The following ADAM12 variants were observed in gnomAD, a reference collection of about 807,000 sequenced individuals.
ADAM12 encodes the protein disintegrin and metalloproteinase domain-containing protein 12.
Under a neutral mutation model 106.4 loss-of-function variants are expected in ADAM12, and 70 were observed. That is an observed-to-expected ratio of 0.66 (90% CI 0.54 to 0.80). The LOEUF (loss-of-function observed/expected upper bound fraction) is 0.80. Among genes scored for constraint, ADAM12 ranks in the 30% least tolerant of loss-of-function variants. The pLI is 0.00. For missense variants in ADAM12, 1,010 were observed against 1,171.9 expected (o/e 0.86, Z 2.02); for synonymous variants, 420 against 433.5 (o/e 0.97, Z 0.39).
At chr10:126,153,341 G>A (rs189635711) in intron 4 of ADAM12, among the ~76,000 whole-genome samples, 3 of 152,232 alleles carry the variant, frequency 2.0e-5, no homozygotes, top group Admixed American at 2.0e-4. Flanking sequence ...TTCATCCTTG[G>A]TGTTCTGCAT....
intron 2 of ADAM12, among the ~76,000 whole-genome samples, chr10:126,310,132 C>T (rs1388794789): frequency 1.3e-5 from 2 of 149,176 alleles, no homozygotes; most frequent in Non-Finnish European, 3.0e-5. Context: ...GCACTCCAGC[C>T]TGGGTGACAG....
intron 11 of ADAM12, among the ~76,000 whole-genome samples, chr10:126,078,046 C>T (rs1273764480): frequency 1.3e-5 from 2 of 152,204 alleles, no homozygotes; most frequent in Non-Finnish European, 2.9e-5. Context: ...CTAATGGTAA[C>T]ACCATCTTAA....
chr10:126,226,735 T>C (rs898936913), intron 3 of ADAM12, among the ~76,000 whole-genome samples: 2 of 152,156 alleles, frequency 1.3e-5, no homozygotes, highest in Non-Finnish European at 2.9e-5. Context: ...TGTTCAGTAA[T>C]TGAGGACAGG....
At chr10:126,100,853 G>A (rs1955650826) in intron 9 of ADAM12, among the ~76,000 whole-genome samples, 1 of 152,200 alleles carries the variant, frequency 6.6e-6, no homozygotes, top group African/African-American at 2.4e-5. Context: ...TCTGTAGAGG[G>A]ACAGGTTTTC....
chr10:126,290,447 A>G (rs1399231556), intron 2 of ADAM12, among the ~76,000 whole-genome samples: 1 of 152,228 alleles, frequency 6.6e-6, no homozygotes, highest in African/African-American at 2.4e-5. Context: ...TTATAGCAGC[A>G]CTAGACAACT....
In ADAM12 at chr10:126,064,805, C is replaced by T; in HGVS notation, c.1609+1G>A. ...ATGCCGAGCTTGTGGCGGCCACGTA[C>T]CTGGTCCCCAGAGCGTGACACACTG... On this transcript the variant is annotated splice_donor_variant, in intron 14 of 22. Coordinates refer to ENST00000448723, the MANE Select transcript of ADAM12 (RefSeq NM_001288973.2). LOFTEE classifies it high-confidence loss of function. This position sits in a 1 kb window ranked among gnomAD's most constrained non-coding sequence, Gnocchi z 4.4. 1 of 1,601,506 alleles carries T rather than the reference C, an allele frequency of 6.2e-7. No individual in the cohort carries two copies. The highest frequency in any genetic ancestry group is 1.1e-5 in the South Asian group (1 of 88,886).
chr10:126,216,795 G>A (rs1298025335), intron 3 of ADAM12, among the ~76,000 whole-genome samples: 1 of 152,268 alleles, frequency 6.6e-6, no homozygotes, highest in Non-Finnish European at 1.5e-5. Flanking sequence ...GACCCCGGCA[G>A]AAGGCCAGAG....
chr10:126,232,372 C>T (rs183325175), intron 3 of ADAM12, among the ~76,000 whole-genome samples: 426 of 152,286 alleles, frequency 2.8e-3, no homozygotes, highest in Non-Finnish European at 4.9e-3. Flanking sequence ...TCCTGAGAGG[C>T]TCCAGAAGGA....
At chr10:126,337,007 A>G (rs1482951534) in intron 1 of ADAM12, among the ~76,000 whole-genome samples, 1 of 152,262 alleles carries the variant, frequency 6.6e-6, no homozygotes, top group Non-Finnish European at 1.5e-5. Flanking sequence ...AAATGAGATC[A>G]TAGATGCAAA....
chr10:126,345,775 T>G (rs1299097118), intron 1 of ADAM12, among the ~76,000 whole-genome samples: 1 of 152,246 alleles, frequency 6.6e-6, no homozygotes, highest in Non-Finnish European at 1.5e-5. Context: ...TTGAGGAATT[T>G]ATCCATTTCT....
Position 126,039,357 on chromosome 10 carries a change from A to G in ADAM12, c.2177T>C (p.Leu726Pro), listed in dbSNP as rs1172937398. 6.2e-7 allele frequency: 1 copy of G among 1,613,970 alleles called. No homozygotes were observed. The highest frequency in any genetic ancestry group is 1.3e-5 in the African/African-American group (1 of 74,898). ...CAGTCGTATCAAGGTCTTCCTTTTG[A>G]GATAAACCACAAATCCGGCAGCAAG... ...CLLAAGFVVY[L>P]KRKTLIRLLF... is the part of the protein sequence containing the mutation. Residue 726 changes from leucine to proline, a missense_variant, in exon 19 of 23, where the codon CTC (leucine) becomes CCC (proline). Around this residue, in one of 3 missense-constraint regions of ADAM12, gnomAD observed 615 missense variants for 708.5 expected, o/e 0.87. Coordinates refer to ENST00000448723, the MANE Select transcript of ADAM12 (RefSeq NM_001288973.2).
intron 3 of ADAM12, among the ~76,000 whole-genome samples, chr10:126,234,795 A>G (rs1335181063): frequency 1.3e-5 from 2 of 152,246 alleles, no homozygotes; most frequent in African/African-American, 4.8e-5. Context: ...AGGATGGATC[A>G]GGCCAACGCT....
intron 3 of ADAM12, among the ~76,000 whole-genome samples, chr10:126,173,649 C>T (rs1311052943): frequency 1.3e-5 from 2 of 151,906 alleles, no homozygotes; most frequent in Admixed American, 6.6e-5. Flanking sequence ...AGTTTCAGAG[C>T]GCAAGTTTTA....
At chr10:126,269,263 T>C (rs181922977) in intron 3 of ADAM12, among the ~76,000 whole-genome samples, 27 of 152,290 alleles carry the variant, frequency 1.8e-4, no homozygotes, top group Non-Finnish European at 3.5e-4. Flanking sequence ...ATGACCTGTA[T>C]TTTGTGCCAA....
intron 3 of ADAM12, among the ~76,000 whole-genome samples, chr10:126,182,764 CTCT>C (rs1312761620): frequency 3.3e-5 from 5 of 152,188 alleles, no homozygotes; most frequent in Non-Finnish European, 7.3e-5. Flanking sequence ...TCCCTAGCGT[CTCT>C]TCTACTTGGA....
chr10:126,100,061 A>G (rs76727113), intron 9 of ADAM12, among the ~76,000 whole-genome samples: 4,957 of 152,108 alleles, frequency 0.033, 192 homozygotes, highest in East Asian at 0.084. Flanking sequence ...TTAGTTTATC[A>G]TCTTCCAGTT....
intron 21 of ADAM12, 60 bp from the exon 22 acceptor site, chr10:126,019,885 A>T: frequency 6.5e-7 from 1 of 1,528,944 alleles, no homozygotes; most frequent in South Asian, 1.2e-5. Context: ...GGCCCCTGAG[A>T]AGCAGGGCCT....
At chr10:126,051,503 G>A (rs12357258) in intron 14 of ADAM12, among the ~76,000 whole-genome samples, 14,106 of 54,144 alleles carry the variant, frequency 0.26, 1,195 homozygotes, top group Middle Eastern at 0.44. Context: ...CCATCCACCC[G>A]TCCATCCATC....
At position 126,385,781 on chromosome 10, in the gene ADAM12, T is replaced by G. The variant is rs376540174; in HGVS notation, c.88+2277A>C. Reference sequence around the variant, plus strand: ...AGGAGATCAGAAAGGAAAACAGGAATTAGGTCATGCTGAGGTTTGGATTTT... The same window carrying G: ...AGGAGATCAGAAAGGAAAACAGGAAGTAGGTCATGCTGAGGTTTGGATTTT... On this transcript the variant is annotated intron_variant, in intron 1 of 22. Transcript: ENST00000448723. Among the ~76,000 whole-genome samples the G allele has an allele frequency of 2.6e-5, 4 of 151,934 alleles. No homozygotes were observed. In the East Asian group the frequency reaches 5.8e-4, roughly 22 times the overall value.
Sources: gnomAD v4.1 joint callset for allele counts (sites outside exome capture counted in the v4.1 genomes callset) on GRCh38, gnomAD v4.1.1 for gene constraint, gnomAD v4.1.1 regional missense constraint, Gnocchi (gnomAD v3.1) non-coding constraint, MANE v1.5 for transcripts, NCBI Gene and HGNC (gene_info 2026-07-23, HGNC 2026-07-21) for gene names.